Variants in CDAN1 observed in about 807,000 individuals in gnomAD.
CDAN1 encodes codanin 1, also known as codanin-1.
In CDAN1, 107 loss-of-function variants were observed where a neutral mutation model predicts 139.8. The ratio of observed to expected loss-of-function variants is 0.77; its 90% CI spans 0.65 to 0.90. The LOEUF (loss-of-function observed/expected upper bound fraction) is 0.90, where lower values mean the gene tolerates loss of function less well. Among genes scored for constraint, CDAN1 ranks in the 40% least tolerant of loss-of-function variants. The pLI is 0.00. For synonymous variants in CDAN1, 776 were observed against 660.6 expected (o/e 1.17, Z -2.68); for missense variants, 1,667 against 1,575.7 (o/e 1.06, Z -0.98).
rs376238524 is a variant in CDAN1, at chr15:42,726,184, G to T, written c.3205-24C>A. 9.3e-6 allele frequency: 15 copies of T among 1,613,450 alleles called. No homozygotes were observed. In the African/African-American group the frequency reaches 1.1e-4, roughly 11 times the overall value. On this transcript the variant is annotated intron_variant, in intron 24 of 27. Transcript: ENST00000356231. The stretch of plus-strand genomic sequence containing the variant: ...AACTGCGGTTGGGGTGGGGGGGAAA[G>T]AGAGACCATAGGTATCACCATGCTT...
At chr15:42,728,128 C>A (rs2061557066) in intron 21 of CDAN1, 76 bp downstream of exon 21, 3 of 1,589,378 alleles carry the variant, frequency 1.9e-6, no homozygotes, top group Non-Finnish European at 2.6e-6. Flanking sequence ...CACACACCCT[C>A]CCGCAGCCTC....
intron 10 of CDAN1, 152 bp from the exon 11 acceptor site, chr15:42,731,977 T>C (rs899048768): frequency 2.6e-6 from 2 of 782,792 alleles, no homozygotes; most frequent in African/African-American, 3.4e-5. Context: ...ATTACAGTAT[T>C]GTTTCACAGG....
In CDAN1 at chr15:42,732,350, G is replaced by A; in HGVS notation, c.1516C>T (p.Gln506Ter). The A allele has an allele frequency of 6.2e-7, 1 of 1,614,024 alleles. No individual in the cohort carries two copies. Among genetic ancestry groups the A allele is most frequent in the South Asian group, 1.1e-5 (1 of 91,068 alleles). ...CSHSHFVRLF[Q>*]KQLLQMCQSP... ...GCTGTTACCTGGAGTAGTTGTTTTTGGAAAAGCCGAACAAAGTGGCTGTGG... is the reference window on the plus strand; with the variant it reads ...GCTGTTACCTGGAGTAGTTGTTTTTAGAAAAGCCGAACAAAGTGGCTGTGG... Residue 506 changes from glutamine to a stop codon, truncating the protein, a stop_gained, in exon 10 of 28, where the codon CAA becomes TAA. Transcript: ENST00000356231. LOFTEE classifies it high-confidence loss of function.
chr15:42,731,610 G>C lies in CDAN1; in HGVS notation c.1739+10C>G, dbSNP rs777493292. Reference sequence around the variant, plus strand: ...CTGCCCCATTCCTTGCAAGACACAGGGGAGCCTACCTGCTGGCACTAAGGA... The same window carrying C: ...CTGCCCCATTCCTTGCAAGACACAGCGGAGCCTACCTGCTGGCACTAAGGA... On this transcript the variant is annotated intron_variant, in intron 11 of 27. Transcript: ENST00000356231. 2 of 1,613,678 alleles carry C rather than the reference G, an allele frequency of 1.2e-6. No homozygotes were observed. The highest frequency in any genetic ancestry group is 1.7e-6 in the Non-Finnish European group (2 of 1,179,826).
intron 8 of CDAN1, 63 bp from the exon 9 acceptor site, chr15:42,733,249 G>A (rs2061640811): frequency 9.4e-6 from 13 of 1,386,142 alleles, no homozygotes; most frequent in Non-Finnish European, 1.3e-5. Flanking sequence ...TCCTGCCCCT[G>A]GAAGAACTAT....
intron 6 of CDAN1, 143 bp from the exon 7 acceptor site, chr15:42,734,489 T>C (rs1176425661): frequency 2.0e-6 from 2 of 1,011,932 alleles, no homozygotes; most frequent in Non-Finnish European, 3.0e-6. Flanking sequence ...GGGCCAAGGA[T>C]CAAAGATAAT....
At chr15:42,728,108 AC>A (rs2061556709) in intron 21 of CDAN1, 75 bp from the exon 22 acceptor site, 1 of 1,582,512 alleles carries the variant, frequency 6.3e-7, no homozygotes, top group Admixed American at 1.7e-5. Flanking sequence ...TCGAGCACTG[AC>A]CCCGCCCCCA....
At chr15:42,729,945 T>A (rs1170375326) in intron 15 of CDAN1, 60 bp from the exon 16 acceptor site, 1 of 689,888 alleles carries the variant, frequency 1.4e-6, no homozygotes, top group Non-Finnish European at 2.0e-6. Flanking sequence ...CCACCCCACC[T>A]CCTGCACGGT....
chr15:42,733,135 A>G lies in CDAN1; in HGVS notation c.1419T>C (p.Pro473=). The G allele has an allele frequency of 1.2e-6, 2 of 1,614,088 alleles. No homozygotes were observed. Among genetic ancestry groups the G allele is most frequent in the Non-Finnish European group, 1.7e-6 (2 of 1,180,008 alleles). Residue 473 remains proline (P), a synonymous_variant, in exon 9 of 28, where the codon CCT becomes CCC. Transcript: ENST00000356231. ...LREWEDHHEE[P]GWDFEKGLGS... ...CCAAGCCCTTCTCAAAATCCCAGCC[A>G]GGCTCCTCATGGTGATCTTCCCACT... is the stretch of plus-strand genomic sequence containing the variant.
intron 23 of CDAN1, 119 bp from the exon 24 acceptor site, chr15:42,726,536 T>C: frequency 1.3e-6 from 1 of 771,108 alleles, no homozygotes; most frequent in Non-Finnish European, 2.2e-6. Context: ...CGGGATATGG[T>C]GAGTAAAGCC....
At chr15:42,725,759 GAGGTGGGCAGATCAGGGGT>G in intron 25 of CDAN1, 89 bp from the exon 26 acceptor site, 1 of 1,348,058 alleles carries the variant, frequency 7.4e-7, no homozygotes, top group Non-Finnish European at 1.0e-6. Context: ...TCGGGAGGCT[GAGGTGGGCAGATCAGGGGT>G]TCGAGACCAG....
rs556901786 is a variant in CDAN1 at position 42,724,383 on chromosome 15, C to A, written c.*108G>T. On this transcript the variant is annotated 3_prime_UTR_variant, in exon 28 of 28. Coordinates refer to ENST00000356231, the MANE Select transcript of CDAN1 (RefSeq NM_138477.4). ...TAGAGCAGGAAGTCTGACTGTAGAC[C>A]CAGCTACACCCCAACCAGTGAGGGT... 1.0e-4 allele frequency: 148 copies of A among 1,449,120 alleles called. No homozygotes were observed. The African/African-American group carries it at 1.9e-3, about 19-fold the overall frequency. The allele number at this position is 1,449,120 out of a possible 1,614,324, so 89.8% of individuals were successfully genotyped here.
intron 20 of CDAN1, 133 bp downstream of exon 20, chr15:42,728,519 A>G (rs1297257434): frequency 5.3e-6 from 7 of 1,330,760 alleles, no homozygotes; most frequent in Non-Finnish European, 6.4e-6. Context: ...CAGGGCTTAT[A>G]GAGAATGGGC....
chr15:42,729,922 A>ACGGCCCCCCCCACCCCCCCCC, intron 15 of CDAN1, 37 bp from the exon 16 acceptor site: 1 of 1,513,210 alleles, frequency 6.6e-7, no homozygotes, highest in Non-Finnish European at 9.1e-7. Context: ...AACTTCAGAG[A>ACGGCCCCCCCCACCCCCCCCC]CCCCCACCCA....
chr15:42,733,013 C>G, intron 9 of CDAN1, 84 bp downstream of exon 9: 368 of 1,078,946 alleles, frequency 3.4e-4, no homozygotes, highest in Non-Finnish European at 4.5e-4. Flanking sequence ...CGGGGAAAAC[C>G]TTCCCTCCTC....
rs956043672 is a variant in CDAN1, at chr15:42,732,997, T to C, written c.1457+100A>G. On this transcript the variant is annotated intron_variant, in intron 9 of 27. Transcript: ENST00000356231. The stretch of plus-strand genomic sequence containing the variant: ...ATAGTAGAAAACAGCTAATGGCTGG[T>C]AGGAGCGGGGAAAACCTTCCCTCCT... The C allele has an allele frequency of 5.5e-6, 5 of 905,172 alleles. No homozygotes were observed. In the African/African-American group the frequency reaches 8.5e-5, roughly 15 times the overall value. The allele number at this position is 905,172 out of a possible 1,614,324, so 56.1% of individuals were successfully genotyped here. A position where few individuals can be genotyped will look rare whatever the true frequency, so the allele number is the denominator to read the frequency against.
chr15:42,728,828 A>C lies in CDAN1; in HGVS notation c.2646-18T>G. 1 of 1,614,152 alleles carries C rather than the reference A, an allele frequency of 6.2e-7. No homozygotes were observed. Among genetic ancestry groups the C allele is most frequent in the Non-Finnish European group, 8.5e-7 (1 of 1,180,000 alleles). Reference sequence around the variant, plus strand: ...GTGTAGCCCTGCAGCAGGGACAGCAAGGTTGGGGATGGTTGGAGGGTTAAT... The same window carrying C: ...GTGTAGCCCTGCAGCAGGGACAGCACGGTTGGGGATGGTTGGAGGGTTAAT... On this transcript the variant is annotated intron_variant, in intron 19 of 27. Transcript: ENST00000356231.
intron 14 of CDAN1, 147 bp downstream of exon 14, chr15:42,730,449 GGA>G (rs1304534249): frequency 1.0e-6 from 1 of 973,368 alleles, no homozygotes; most frequent in East Asian, 2.6e-5. Context: ...GTACCTCAGG[GGA>G]GCCAATCGTG....
rs1294881727 is a variant in CDAN1, at chr15:42,736,339, ACTC to A, written c.529_531del (p.Glu177del). On this transcript the variant is annotated inframe_deletion, in exon 2 of 28. Coordinates refer to ENST00000356231, the MANE Select transcript of CDAN1 (RefSeq NM_138477.4). ...GGGGGAACCGAGCCTACGGGAGGGA[ACTC>A]CTCCAGGTTGCTGAGGTTTGGCGGA... 1 of 1,613,434 alleles carries A rather than the reference ACTC, an allele frequency of 6.2e-7. No individual in the cohort carries two copies. The highest frequency in any genetic ancestry group is 1.3e-5 in the African/African-American group (1 of 74,818).
Sources: allele counts gnomAD v4.1 joint callset, GRCh38; gene constraint gnomAD v4.1.1; transcripts MANE v1.5; gene names NCBI Gene and HGNC (gene_info 2026-07-23, HGNC 2026-07-21).